Variants in ZNF426 observed in about 807,000 individuals in gnomAD.
ZNF426 encodes CTC-543D15.7.
In ZNF426, 23 loss-of-function variants were observed where a neutral mutation model predicts 24.0. The observed-to-expected ratio is 0.96, with a 90% confidence interval of 0.69 to 1.36. The LOEUF (loss-of-function observed/expected upper bound fraction) is 1.36. Among genes scored for constraint, ZNF426 ranks in the 40% most tolerant of loss-of-function variants. ZNF426 has a pLI of 0.00. For synonymous variants in ZNF426, 272 were observed against 224.6 expected, an observed-to-expected ratio of 1.21 and a Z score of -1.89; for missense variants, 646 against 658.4, an observed-to-expected ratio of 0.98 and a Z score of 0.21.
Position 9,536,311 on chromosome 19 carries a change from G to A in ZNF426, c.-79C>T, listed in dbSNP as rs756701271. ...TCAGGACACCTCATTAATCTAAATGGACAGTGGCAATCTCCATTCCTCTTT... is the reference window on the plus strand; with the variant it reads ...TCAGGACACCTCATTAATCTAAATGAACAGTGGCAATCTCCATTCCTCTTT... On this transcript the variant is annotated 5_prime_UTR_variant, in exon 3 of 8. Coordinates refer to ENST00000253115, the MANE Select transcript of ZNF426 (RefSeq NM_024106.3). 2.5e-6 allele frequency: 4 copies of A among 1,613,326 alleles called. No individual in the cohort carries two copies. Among genetic ancestry groups the A allele is most frequent in the Non-Finnish European group, 3.4e-6 (4 of 1,179,780 alleles).
chr19:9,529,468 C>G lies in ZNF426; in HGVS notation c.577G>C (p.Gly193Arg). 3 of 1,614,014 alleles carry G rather than the reference C, an allele frequency of 1.9e-6. No homozygotes were observed. The highest frequency in any genetic ancestry group is 2.5e-6 in the Non-Finnish European group (3 of 1,180,008). ...FLTLCEKTST[G>R]EKLSEFNQSE... ...TGATTAAACTCAGAAAGTTTCTCAC[C>G]AGTAGAGGTTTTCTCACACAGGGTA... The change falls in exon 8 of 8, where the codon GGT (glycine) becomes CGT (arginine). Residue 193 changes from glycine to arginine, a missense_variant. Physicochemically the swap from Gly to Arg is moderately radical, Grantham distance 125 (BLOSUM62 -2). Transcript: ENST00000253115.
chr19:9,530,939 T>C, intron 7 of ZNF426, 46 bp downstream of exon 7: 1 of 1,502,952 alleles, frequency 6.7e-7, no homozygotes, highest in Non-Finnish European at 9.3e-7. Flanking sequence ...GAATTCCTGA[T>C]TTTCTCTGAG....
rs2073945659 is a variant in ZNF426, at chr19:9,535,124, G to A, written c.117+64C>T. ...AGTCTGGAGACAACTCTGCCTAGAG[G>A]GAAATGTGTCTACCTGGTGGATGCA... is the stretch of plus-strand genomic sequence containing the variant. On this transcript the variant is annotated intron_variant, in intron 4 of 7. Transcript: ENST00000253115. 6.9e-6 allele frequency: 9 copies of A among 1,304,674 alleles called. No individual in the cohort carries two copies. The South Asian group carries it at 1.2e-4, about 17-fold the overall frequency. The allele number at this position is 1,304,674 out of a possible 1,614,324, so 80.8% of individuals were successfully genotyped here.
rs1231298739 is a variant in ZNF426 at position 9,527,938 on chromosome 19, C to T, written c.*442G>A. 3 of 154,378 alleles carry T rather than the reference C, an allele frequency of 1.9e-5. No individual in the cohort carries two copies. The East Asian group carries it at 5.8e-4, about 30-fold the overall frequency. 9.6% of individuals were successfully genotyped at this position (154,378 alleles called of 1,614,324 possible). A position where few individuals can be genotyped will look rare whatever the true frequency, so the allele number is the denominator to read the frequency against. On this transcript the variant is annotated 3_prime_UTR_variant, in exon 8 of 8. Coordinates refer to ENST00000253115, the MANE Select transcript of ZNF426 (RefSeq NM_024106.3). ...TTTCTCTTCTTATAGGGACACCAAT[C>T]ATATTGGATTAGGGATGTACTCTAA...
chr19:9,528,817 G>A lies in ZNF426; in HGVS notation c.1228C>T (p.His410Tyr), dbSNP rs768092454. The A allele has an allele frequency of 2.9e-5, 46 of 1,613,972 alleles. No individual in the cohort carries two copies. The highest frequency in any genetic ancestry group is 3.7e-5 in the Non-Finnish European group (44 of 1,180,036). The change falls in exon 8 of 8, where the codon CAT (histidine) becomes TAT (tyrosine). Residue 410 changes from histidine to tyrosine, a missense_variant. By Grantham distance (83) the His-to-Tyr change is moderately conservative. Transcript: ENST00000253115. Reference protein sequence around the residue: ...AFAVSSNLSGHLRTHTEEKAC... With the variant: ...AFAVSSNLSGYLRTHTEEKAC... ...TTCTCTTCAGTGTGAGTTCTCAAAT[G>A]TCCACTAAGATTTGAGGAAACTGCA... is the stretch of plus-strand genomic sequence containing the variant.
Position 9,523,491 on chromosome 19 carries a change from T to C in ZNF426, c.*4889A>G, listed in dbSNP as rs1302825513. On this transcript the variant is annotated 3_prime_UTR_variant, in exon 8 of 8. Coordinates refer to ENST00000253115, the MANE Select transcript of ZNF426 (RefSeq NM_024106.3). ...ACTGCCTCATTTTAAAATCACCTCT[T>C]TAAAAAACCACATCTCTAAATACCA... 6.6e-6 allele frequency: 1 copy of C among 152,144 alleles called. No individual in the cohort carries two copies. Among genetic ancestry groups the C allele is most frequent in the African/African-American group, 2.4e-5 (1 of 41,422 alleles). The allele number at this position is 152,144 out of a possible 1,614,324, so 9.4% of individuals were successfully genotyped here. A position where few individuals can be genotyped will look rare whatever the true frequency, so the allele number is the denominator to read the frequency against.
At chr19:9,535,664 T>G (rs2073954671) in intron 3 of ZNF426, among the ~76,000 whole-genome samples, 1 of 145,320 alleles carries the variant, frequency 6.9e-6, no homozygotes, top group Non-Finnish European at 1.5e-5. Context: ...ACTCCCCATC[T>G]CTACAAAAAA....
Position 9,528,891 on chromosome 19 carries a change from G to A in ZNF426, c.1154C>T (p.Thr385Ile). The change falls in exon 8 of 8, where the codon ACT becomes ATT. Residue 385 changes from threonine (T) to isoleucine (I), a missense_variant. Transcript: ENST00000253115. ...TACAAAAGGCTTCTCTCCAGTGTGAGTTCTTATATGTTGAATAAGGCGTGA... is the reference window on the plus strand; with the variant it reads ...TACAAAAGGCTTCTCTCCAGTGTGAATTCTTATATGTTGAATAAGGCGTGA... ...TSSRLIQHIR[T>I]HTGEKPFVCV... 1.9e-6 allele frequency: 3 copies of A among 1,614,114 alleles called. No individual in the cohort carries two copies. Among genetic ancestry groups the A allele is most frequent in the Non-Finnish European group, 2.5e-6 (3 of 1,180,004 alleles).
At chr19:9,537,538 C>A (rs911809243) in intron 2 of ZNF426, among the ~76,000 whole-genome samples, 1 of 150,596 alleles carries the variant, frequency 6.6e-6, no homozygotes, top group Non-Finnish European at 1.5e-5. Flanking sequence ...GATCTTCCTG[C>A]CTCAGCCTCT....
Position 9,529,136 on chromosome 19 carries a change from A to C in ZNF426, c.909T>G (p.Thr303=). The change falls in exon 8 of 8, where the codon ACT becomes ACG. Residue 303 remains threonine (T), a synonymous_variant. Transcript: ENST00000253115. ...AYLSIHMRTH[T]GEKPYECKEC... Reference sequence around the variant, plus strand: ...CCTTACATTCATATGGTTTCTCCCCAGTGTGGGTTCGCATGTGAATACTGA... The same window carrying C: ...CCTTACATTCATATGGTTTCTCCCCCGTGTGGGTTCGCATGTGAATACTGA... 1 of 1,614,226 alleles carries C rather than the reference A, an allele frequency of 6.2e-7. No individual in the cohort carries two copies. Among genetic ancestry groups the C allele is most frequent in the Non-Finnish European group, 8.5e-7 (1 of 1,180,040 alleles).
At chr19:9,532,808 T>G in intron 6 of ZNF426, 37 bp downstream of exon 6, 1 of 1,512,680 alleles carries the variant, frequency 6.6e-7, no homozygotes, top group Non-Finnish European at 9.2e-7. Flanking sequence ...CATACTGAAC[T>G]TCTCATCAAC....
In ZNF426 at chr19:9,528,951, T is replaced by C; in HGVS notation, c.1094A>G (p.Glu365Gly). 4 of 1,613,918 alleles carry C rather than the reference T, an allele frequency of 2.5e-6. No individual in the cohort carries two copies. In the South Asian group the frequency reaches 4.4e-5, roughly 18 times the overall value. The change falls in exon 8 of 8, where the codon GAA becomes GGA. Residue 365 changes from glutamate to glycine, a missense_variant. Glu to Gly is a moderately conservative substitution (Grantham distance 98, BLOSUM62 -2). Transcript: ENST00000253115. The part of the protein sequence containing the change: ...VRSHSGDKPY[E>G]CKECGKSFLT... Reference sequence around the variant, plus strand: ...GAAGGATTTCCCACATTCCTTACATTCATAGGGCTTGTCTCCACTGTGAGA... The same window carrying C: ...GAAGGATTTCCCACATTCCTTACATCCATAGGGCTTGTCTCCACTGTGAGA...
chr19:9,533,257 C>A (rs2073914200), intron 5 of ZNF426, among the ~76,000 whole-genome samples: 1 of 150,724 alleles, frequency 6.6e-6, no homozygotes, highest in African/African-American at 2.4e-5. Flanking sequence ...ACCAGCCTGG[C>A]CAACATGGTG....
In ZNF426 at chr19:9,534,021, G is replaced by A. The variant is rs183394173; in HGVS notation, c.118-55C>T. The stretch of plus-strand genomic sequence containing the variant: ...CCAAGTAACAAGCCCATCAGCGTTC[G>A]CTGGAGGATGAGGAAGGGGGACCCA... On this transcript the variant is annotated intron_variant, in intron 4 of 7. Coordinates refer to ENST00000253115, the MANE Select transcript of ZNF426 (RefSeq NM_024106.3). 5.6e-5 allele frequency: 89 copies of A among 1,587,986 alleles called. No homozygotes were observed. In the African/African-American group the frequency reaches 9.6e-4, roughly 17 times the overall value.
rs1258556157 is a variant in ZNF426, at chr19:9,528,403, G to A, written c.1642C>T (p.Arg548Ter). ...CACTAGTGAATTTGTTCATGTCTTC[G>A]AAGTGAACGGGGATGACTGTAAGCT... is the stretch of plus-strand genomic sequence containing the variant. ...GKAYSHPRSL[R>*]RHEQIH Residue 548 changes from arginine (R) to a stop codon, truncating the protein, a stop_gained, in exon 8 of 8, where the codon CGA (arginine) becomes TGA (stop). Transcript: ENST00000253115. LOFTEE classifies it low-confidence loss of function (END_TRUNC). 1.1e-5 allele frequency: 17 copies of A among 1,584,954 alleles called. No homozygotes were observed. The highest frequency in any genetic ancestry group is 4.5e-5 in the East Asian group (2 of 44,616).
At position 9,528,395 on chromosome 19, in the gene ZNF426, A is replaced by T. The variant is rs751249128; in HGVS notation, c.1650T>A (p.His550Gln). 3.2e-6 allele frequency: 5 copies of T among 1,577,630 alleles called. No individual in the cohort carries two copies. The African/African-American group carries it at 6.8e-5, about 22-fold the overall frequency. ...CAGTTTCTCACTAGTGAATTTGTTC[A>T]TGTCTTCGAAGTGAACGGGGATGAC... Reference protein sequence around the residue: ...AYSHPRSLRRHEQIH With the variant: ...AYSHPRSLRRQEQIH The change falls in exon 8 of 8, where the codon CAT becomes CAA. Residue 550 changes from histidine to glutamine, a missense_variant. Physicochemically the swap from His to Gln is conservative, Grantham distance 24. Coordinates refer to ENST00000253115, the MANE Select transcript of ZNF426 (RefSeq NM_024106.3).
Position 9,536,991 on chromosome 19 carries a change from G to A in ZNF426, c.-124-635C>T, listed in dbSNP as rs185791772. Among the ~76,000 whole-genome samples, 496 of 151,998 alleles carry A rather than the reference G, an allele frequency of 3.3e-3. 4 individuals carry two copies. Among genetic ancestry groups the A allele is most frequent in the Admixed American group, 0.02 (306 of 15,234 alleles). On this transcript the variant is annotated intron_variant, in intron 2 of 7. Coordinates refer to ENST00000253115, the MANE Select transcript of ZNF426 (RefSeq NM_024106.3). ...CTACTAAAAATACAAAAATTAGCCG[G>A]GCGTGGTGTGCGGCTGTAATCCCAG...
chr19:9,534,267 G>A (rs1256728521), intron 4 of ZNF426, among the ~76,000 whole-genome samples: 2 of 152,098 alleles, frequency 1.3e-5, no homozygotes, highest in East Asian at 3.9e-4. Flanking sequence ...GTGCACTGGT[G>A]CAATCTTGGC....
At chr19:9,533,704 A>T in intron 5 of ZNF426, 136 bp downstream of exon 5, 1 of 1,217,836 alleles carries the variant, frequency 8.2e-7, no homozygotes, top group Non-Finnish European at 1.2e-6. Context: ...ACAGTAGATT[A>T]AAATCTATTT....
Sources: allele counts gnomAD v4.1 joint callset (sites outside exome capture counted in the v4.1 genomes callset), GRCh38; gene constraint gnomAD v4.1.1; transcripts MANE v1.5; gene names NCBI Gene and HGNC (gene_info 2026-07-23, HGNC 2026-07-21).